The following DLL4 variants were observed in gnomAD, a reference collection of about 807,000 sequenced individuals.
DLL4 encodes the protein delta-like protein 4.
A neutral mutation model predicts 73.6 loss-of-function variants in DLL4; 7 were observed. The ratio of observed to expected loss-of-function variants is 0.10; its 90% CI spans 0.05 to 0.18. The LOEUF (loss-of-function observed/expected upper bound fraction) is 0.18, where lower values mean the gene tolerates loss of function less well. DLL4 is among the 10% of genes least tolerant of loss of function. The probability of loss-of-function intolerance (pLI) is 1.00; values close to 1 mark genes in which losing one functional copy is unlikely to be tolerated. For synonymous variants in DLL4, 345 were observed against 374.3 expected (o/e 0.92, Z 0.90); for missense variants, 614 against 929.9 (o/e 0.66, Z 4.42).
rs900035150 is a variant in DLL4 at position 40,931,860 on chromosome 15, T to TG, written c.658+97dup. Reference sequence around the variant, plus strand: ...GTCACAGCTTGCCTCCCTTGAAGAGTGGGTCTGGGCCTCCTACTAGCTGGG... The same window carrying TG: ...GTCACAGCTTGCCTCCCTTGAAGAGTGGGGTCTGGGCCTCCTACTAGCTGGG... On this transcript the variant is annotated intron_variant, in intron 4 of 10. Transcript: ENST00000249749. The TG allele has an allele frequency of 1.0e-5, 15 of 1,496,364 alleles. No individual in the cohort carries two copies. In the African/African-American group the frequency reaches 2.1e-4, roughly 21 times the overall value. 92.7% of individuals were successfully genotyped at this position (1,496,364 alleles called of 1,614,324 possible).
chr15:40,933,743 G>A (rs908648738), intron 6 of DLL4, among the ~76,000 whole-genome samples: 4 of 152,072 alleles, frequency 2.6e-5, no homozygotes, highest in East Asian at 1.9e-4. Flanking sequence ...CTGGCAGGAC[G>A]TCTTCCAGTT....
intron 8 of DLL4, 38 bp from the exon 9 acceptor site, chr15:40,936,190 C>G: frequency 6.6e-7 from 1 of 1,505,580 alleles, no homozygotes; most frequent in Non-Finnish European, 8.9e-7. Context: ...AGGGAGCTCC[C>G]AGGCTATCAC....
rs1405689732 is a variant in DLL4, at chr15:40,929,365, G to T, written c.-304G>T. On this transcript the variant is annotated 5_prime_UTR_variant, in exon 1 of 11. Transcript: ENST00000249749. The surrounding 1 kb of genome is among the most constrained non-coding windows in gnomAD (Gnocchi z 7.1). Reference sequence around the variant, plus strand: ...AGTAGCGGCGCTGCGCGCAGGCCGGGAACACGAGGCCAAGAGCCGCAGCCC... The same window carrying T: ...AGTAGCGGCGCTGCGCGCAGGCCGGTAACACGAGGCCAAGAGCCGCAGCCC... The T allele has an allele frequency of 9.7e-6, 4 of 413,094 alleles. No individual in the cohort carries two copies. The highest frequency in any genetic ancestry group is 8.3e-5 in the African/African-American group (4 of 48,146). 25.6% of individuals were successfully genotyped at this position (413,094 alleles called of 1,614,324 possible).
At chr15:40,937,967 G>A (rs1892868561) in intron 10 of DLL4, 62 bp from the exon 11 acceptor site, 4 of 1,588,416 alleles carry the variant, frequency 2.5e-6, no homozygotes, top group Non-Finnish European at 3.4e-6. Flanking sequence ...GGCCCAGGGA[G>A]GGCCTGGAGG....
Position 40,936,703 on chromosome 15 carries a change from G to A in DLL4, c.1716G>A (p.Ser572=), listed in dbSNP as rs779920596. ...DGSREAMNNL[S]DFQKDNLIPA... ...GCAGGGAAGCCATGAACAACTTGTC[G>A]GACTTCCAGAAGGACAACCTGATTC... The change falls in exon 9 of 11, where the codon TCG becomes TCA. Residue 572 remains serine (S), a synonymous_variant. Transcript: ENST00000249749. 3.3e-5 allele frequency: 54 copies of A among 1,613,606 alleles called. No homozygotes were observed. Among genetic ancestry groups the A allele is most frequent in the South Asian group, 1.5e-4 (14 of 91,088 alleles).
chr15:40,937,396 C>T (rs755992750), intron 9 of DLL4, 22 bp from the exon 10 acceptor site: 15 of 1,547,184 alleles, frequency 9.7e-6, no homozygotes, highest in African/African-American at 6.8e-5. Flanking sequence ...CTCCCTTACA[C>T]GCCTGTCTTG....
In DLL4 at chr15:40,933,268, TTGTGTG is replaced by T. The variant is rs113508793; in HGVS notation, c.850+847_850+852del. Among the ~76,000 whole-genome samples the T allele has an allele frequency of 9.3e-3, 1,375 of 147,436 alleles. 10 individuals carry two copies. Among genetic ancestry groups the T allele is most frequent in the Middle Eastern group, 0.025 (7 of 282 alleles). On this transcript the variant is annotated intron_variant, in intron 6 of 10. Transcript: ENST00000249749. ...AGGGGCTTGGGATTCAGTCCCTGTG[TTGTGTG>T]TGTGTGTGTGTGTGTGTGTGTGTGT...
rs2140368756 is a variant in DLL4, at chr15:40,930,608, C to G, written c.337-17C>G. On this transcript the variant is annotated splice_polypyrimidine_tract_variant and intron_variant, in intron 2 of 10. Coordinates refer to ENST00000249749, the MANE Select transcript of DLL4 (RefSeq NM_019074.4). This position sits in a 1 kb window ranked among gnomAD's most constrained non-coding sequence, Gnocchi z 5.7. ...GCTCATCTCGCCATCTCTCCGTCCC[C>G]CCACCCCCTTTCCCAGGGTACCTTC... 2 of 1,613,374 alleles carry G rather than the reference C, an allele frequency of 1.2e-6. No individual in the cohort carries two copies. Among genetic ancestry groups the G allele is most frequent in the Admixed American group, 3.3e-5 (2 of 59,980 alleles).
chr15:40,934,467 G>A (rs1467845282), intron 6 of DLL4, 81 bp from the exon 7 acceptor site: 1 of 1,467,790 alleles, frequency 6.8e-7, no homozygotes, highest in Non-Finnish European at 9.3e-7. Flanking sequence ...GCCAAACATG[G>A]GGGCAAACAT....
chr15:40,929,524 C>T lies in DLL4; in HGVS notation c.-145C>T, dbSNP rs893398674. On this transcript the variant is annotated 5_prime_UTR_variant, in exon 1 of 11. Transcript: ENST00000249749. This position sits in a 1 kb window ranked among gnomAD's most constrained non-coding sequence, Gnocchi z 7.1. ...ACCTACAGCGGCAGCTGCAGCGGAG[C>T]CAGCGAGAAGGCCAAAGGGGAGCAG... 5.3e-6 allele frequency: 4 copies of T among 751,108 alleles called. No individual in the cohort carries two copies. The highest frequency in any genetic ancestry group is 5.8e-5 in the East Asian group (2 of 34,714). 46.5% of individuals were successfully genotyped at this position (751,108 alleles called of 1,614,324 possible).
At position 40,930,605 on chromosome 15, in the gene DLL4, C is replaced by G. The variant is rs200269380; in HGVS notation, c.337-20C>G. On this transcript the variant is annotated intron_variant, in intron 2 of 10. Coordinates refer to ENST00000249749, the MANE Select transcript of DLL4 (RefSeq NM_019074.4). The surrounding 1 kb of genome is among the most constrained non-coding windows in gnomAD (Gnocchi z 5.7). ...CTTGCTCATCTCGCCATCTCTCCGT[C>G]CCCCCACCCCCTTTCCCAGGGTACC... The G allele has an allele frequency of 1.9e-6, 3 of 1,611,720 alleles. No individual in the cohort carries two copies. The Admixed American group carries it at 5.0e-5, about 27-fold the overall frequency.
In DLL4 at chr15:40,929,904, G is replaced by A. The variant is rs374868641; in HGVS notation, c.124G>A (p.Gly42Ser). The A allele has an allele frequency of 1.9e-6, 3 of 1,612,874 alleles. No homozygotes were observed. Among genetic ancestry groups the A allele is most frequent in the Non-Finnish European group, 2.5e-6 (3 of 1,179,798 alleles). ...GCTGCAGGAGTTCATCAACGAGCGC[G>A]GCGTACTGGCCAGTGGGCGGCCTTG... ...LQLQEFINER[G>S]VLASGRPCEP... The change falls in exon 2 of 11, where the codon GGC (glycine) becomes AGC (serine). Residue 42 changes from glycine (G) to serine (S), a missense_variant. Physicochemically the swap from Gly to Ser is moderately conservative, Grantham distance 56. Transcript: ENST00000249749. The surrounding 1 kb of genome is among the most constrained non-coding windows in gnomAD (Gnocchi z 7.1).
chr15:40,937,658 G>T, intron 10 of DLL4, 132 bp downstream of exon 10: 1 of 743,092 alleles, frequency 1.3e-6, no homozygotes. Flanking sequence ...GTGGACTCTT[G>T]GGTCCCTGCT....
At chr15:40,931,122 G>T in intron 3 of DLL4, 1 of 373,516 alleles carries the variant, frequency 2.7e-6, no homozygotes, top group Non-Finnish European at 4.9e-6. Flanking sequence ...CCCCTGAATG[G>T]GCACCAAAGG....
rs1357813550 is a variant in DLL4, at chr15:40,929,811, G to A, written c.67-36G>A. The A allele has an allele frequency of 1.2e-6, 2 of 1,608,562 alleles. No individual in the cohort carries two copies. Among genetic ancestry groups the A allele is most frequent in the African/African-American group, 1.3e-5 (1 of 74,912 alleles). On this transcript the variant is annotated intron_variant, in intron 1 of 10. Coordinates refer to ENST00000249749, the MANE Select transcript of DLL4 (RefSeq NM_019074.4). This position sits in a 1 kb window ranked among gnomAD's most constrained non-coding sequence, Gnocchi z 7.1. ...CCCCGGGCACCAGCTGAGCTGACCG[G>A]TCCCCTCCCTCCTTCCCTCGGTCCC...
In DLL4 at chr15:40,936,851, C is replaced by A. The variant is rs201457846; in HGVS notation, c.1864C>A (p.Leu622Met). The A allele has an allele frequency of 1.2e-6, 2 of 1,613,232 alleles. No individual in the cohort carries two copies. The highest frequency in any genetic ancestry group is 3.3e-5 in the Admixed American group (2 of 59,996). ...TLDYNLAPGP[L>M]GRGTMPGKFP... Reference sequence around the variant, plus strand: ...GGACTATAATCTGGCCCCAGGGCCCCTGGGGCGGGGGACCATGCCAGGAAA... The same window carrying A: ...GGACTATAATCTGGCCCCAGGGCCCATGGGGCGGGGGACCATGCCAGGAAA... The change falls in exon 9 of 11, where the codon CTG (leucine) becomes ATG (methionine). Residue 622 changes from leucine to methionine, a missense_variant. Coordinates refer to ENST00000249749, the MANE Select transcript of DLL4 (RefSeq NM_019074.4).
rs373545540 is a variant in DLL4 at position 40,938,069 on chromosome 15, C to T, written c.*35C>T. 20 of 1,524,698 alleles carry T rather than the reference C, an allele frequency of 1.3e-5. No homozygotes were observed. The highest frequency in any genetic ancestry group is 9.5e-5 in the East Asian group (4 of 42,130). 94.4% of individuals were successfully genotyped at this position (1,524,698 alleles called of 1,614,324 possible). The stretch of plus-strand genomic sequence containing the variant: ...CTACCTGGACATCCCTGCTCAGCCC[C>T]GCGGCTGGACCTTCCTTCTGCATTG... On this transcript the variant is annotated 3_prime_UTR_variant, in exon 11 of 11. Transcript: ENST00000249749.
In DLL4 at chr15:40,936,862, G is replaced by T. The variant is rs773265603; in HGVS notation, c.1875G>T (p.Gly625=). ...YNLAPGPLGR[G]TMPGKFPHSD... ...TGGCCCCAGGGCCCCTGGGGCGGGG[G>T]ACCATGCCAGGAAAGTTTCCCCACA... Residue 625 remains glycine, a synonymous_variant, in exon 9 of 11, where the codon GGG becomes GGT. Coordinates refer to ENST00000249749, the MANE Select transcript of DLL4 (RefSeq NM_019074.4). The T allele has an allele frequency of 6.2e-7, 1 of 1,613,072 alleles. No homozygotes were observed. Among genetic ancestry groups the T allele is most frequent in the East Asian group, 2.2e-5 (1 of 44,868 alleles).
At chr15:40,933,017 G>A (rs1892790589) in intron 6 of DLL4, among the ~76,000 whole-genome samples, 1 of 152,232 alleles carries the variant, frequency 6.6e-6, no homozygotes, top group Non-Finnish European at 1.5e-5. Context: ...GTGTTTAGGG[G>A]TAGTCACTCT....
Sources: allele counts gnomAD v4.1 joint callset (sites outside exome capture counted in the v4.1 genomes callset), GRCh38; gene constraint gnomAD v4.1.1; non-coding constraint Gnocchi (gnomAD v3.1); transcripts MANE v1.5; gene names NCBI Gene and HGNC (gene_info 2026-07-23, HGNC 2026-07-21).